The following TRMO variants were observed in gnomAD, a reference collection of about 807,000 sequenced individuals.
TRMO encodes tRNA (adenine(37)-N6)-methyltransferase.
TRMO carries 30 observed loss-of-function variants against 37.2 expected under a neutral mutation model. That is an observed-to-expected ratio of 0.81 (90% CI 0.60 to 1.09). The LOEUF (loss-of-function observed/expected upper bound fraction) is 1.09. Among genes scored for constraint, TRMO ranks in the 50% least tolerant of loss-of-function variants. The probability of loss-of-function intolerance (pLI) is 0.00; values close to 1 mark genes in which losing one functional copy is unlikely to be tolerated. For synonymous variants in TRMO, 239 were observed against 199.4 expected, an observed-to-expected ratio of 1.20 and a Z score of -1.67; for missense variants, 552 against 549.5, an observed-to-expected ratio of 1.00 and a Z score of -0.05.
At chr9:97,913,629 A>G in intron 2 of TRMO, 71 bp from the exon 3 acceptor site, 1 of 1,048,268 alleles carries the variant, frequency 9.5e-7, no homozygotes, top group Non-Finnish European at 1.4e-6. Context: ...CAATGATCTG[A>G]TGGGGAAAAA....
At chr9:97,912,336 T>C (rs1156263641) in intron 3 of TRMO, 2 of 152,616 alleles carry the variant, frequency 1.3e-5, no homozygotes, top group African/African-American at 4.8e-5. Flanking sequence ...TTCATCTGAT[T>C]TGTTTATCAC....
At chr9:97,919,916 T>A (rs1826547549) in intron 1 of TRMO, among the ~76,000 whole-genome samples, 1 of 152,220 alleles carries the variant, frequency 6.6e-6, no homozygotes, top group Non-Finnish European at 1.5e-5. Context: ...TCTGCTACTC[T>A]AAAATGTTTG....
intron 4 of TRMO, 49 bp downstream of exon 4, chr9:97,909,911 C>T (rs1034379130): frequency 1.4e-6 from 2 of 1,413,970 alleles, no homozygotes; most frequent in Admixed American, 4.6e-5. Flanking sequence ...TTGGCTAAAT[C>T]TCAAAGTAAA....
At chr9:97,905,022 C>A in intron 4 of TRMO, 30 bp from the exon 5 acceptor site, 1 of 1,601,760 alleles carries the variant, frequency 6.2e-7, no homozygotes. Flanking sequence ...ACTTAATGAG[C>A]ACTATCATGC....
chr9:97,912,969 C>T (rs1049777298), intron 3 of TRMO: 1 of 1,298,018 alleles, frequency 7.7e-7, no homozygotes, highest in Non-Finnish European at 1.0e-6. Flanking sequence ...TGTCCATTTC[C>T]CCAAGGCTGC....
Position 97,910,371 on chromosome 9 carries a change from G to A in TRMO, c.655C>T (p.Pro219Ser), listed in dbSNP as rs1247908026. 6.2e-7 allele frequency: 1 copy of A among 1,614,178 alleles called. No homozygotes were observed. ...PQPHHSTKRK[P>S]KCPEDRTSEE... ...GAAGTTCTGTCTTCAGGACATTTAG[G>A]TTTCCTCTTAGTGCTATGGTGGGGT... is the stretch of plus-strand genomic sequence containing the variant. The change falls in exon 4 of 5, where the codon CCT becomes TCT. Residue 219 changes from proline (P) to serine (S), a missense_variant. Coordinates refer to ENST00000375119, the MANE Select transcript of TRMO (RefSeq NM_016481.5).
At chr9:97,900,068 AAAC>A (rs1831134512), downstream of TRMO, among the ~76,000 whole-genome samples, 1 of 152,182 alleles carries the variant, frequency 6.6e-6, no homozygotes, top group Non-Finnish European at 1.5e-5. Flanking sequence ...AAACAAAACA[AAAC>A]AACAAAAACA....
At position 97,908,278 on chromosome 9, in the gene TRMO, G is replaced by A. The variant is rs1025019058; in HGVS notation, c.1066+1682C>T. ...ATACAAAAAATTAGCTGGGTGTGGTGGCGGGCGCCTGTAGTCCCAGCTACT... is the reference window on the plus strand; with the variant it reads ...ATACAAAAAATTAGCTGGGTGTGGTAGCGGGCGCCTGTAGTCCCAGCTACT... On this transcript the variant is annotated intron_variant, in intron 4 of 4. Transcript: ENST00000375119. Among the ~76,000 whole-genome samples, 18 of 152,286 alleles carry A rather than the reference G, an allele frequency of 1.2e-4. 1 individual carries two copies. The highest frequency in any genetic ancestry group is 8.3e-4 in the South Asian group (4 of 4,818).
chr9:97,922,332 T>G (rs1826692636), intron 1 of TRMO, 86 bp downstream of exon 1: 1 of 883,142 alleles, frequency 1.1e-6, no homozygotes, highest in Non-Finnish European at 1.8e-6. Context: ...TTCCAGATCG[T>G]GCGTTTTACA....
intron 4 of TRMO, among the ~76,000 whole-genome samples, chr9:97,906,128 A>T (rs1022619948): frequency 6.6e-6 from 1 of 151,056 alleles, no homozygotes; most frequent in African/African-American, 2.4e-5. Context: ...ACTGCACTCC[A>T]GCCTGGGTGA....
At chr9:97,904,044 T>C (rs1396646005), downstream of TRMO, among the ~76,000 whole-genome samples, 1 of 152,216 alleles carries the variant, frequency 6.6e-6, no homozygotes, top group African/African-American at 2.4e-5. Flanking sequence ...ATCACGCCAC[T>C]GCACTCCAGC....
chr9:97,922,339 T>C (rs2131545960), intron 1 of TRMO, 79 bp downstream of exon 1: 2 of 973,862 alleles, frequency 2.1e-6, no homozygotes, highest in Non-Finnish European at 3.2e-6. Context: ...TCGTGCGTTT[T>C]ACACCCCTCT....
At position 97,911,313 on chromosome 9, in the gene TRMO, C is replaced by T. The variant is rs183192262; in HGVS notation, c.410-697G>A. On this transcript the variant is annotated intron_variant, in intron 3 of 4. Transcript: ENST00000375119. ...TTGAAGGCTTGCTGAAGTAGGCAGG[C>T]GTGCTAGGAAGCCCACATAGCAAGG... The T allele has an allele frequency of 2.7e-4, 42 of 157,924 alleles. 1 individual carries two copies. The highest frequency in any genetic ancestry group is 5.0e-4 in the Non-Finnish European group (36 of 71,314). The allele number at this position is 157,924 out of a possible 1,614,324, so 9.8% of individuals were successfully genotyped here.
downstream of TRMO, among the ~76,000 whole-genome samples, chr9:97,900,318 G>C (rs936635605): frequency 2.6e-5 from 4 of 152,356 alleles, no homozygotes; most frequent in South Asian, 2.1e-4. Flanking sequence ...TGACTTGCCT[G>C]AGGTCACGAG....
intron 1 of TRMO, among the ~76,000 whole-genome samples, chr9:97,918,556 A>C (rs1826477117): frequency 6.6e-6 from 1 of 152,160 alleles, no homozygotes; most frequent in African/African-American, 2.4e-5. Flanking sequence ...AATTTCTGAG[A>C]GATGATATAA....
downstream of TRMO, chr9:97,904,487 C>T (rs904393379): frequency 3.0e-5 from 39 of 1,291,894 alleles, no homozygotes; most frequent in Non-Finnish European, 3.6e-5. Flanking sequence ...ATCGAGACAG[C>T]ATCACCTTTT....
intron 2 of TRMO, 103 bp downstream of exon 2, chr9:97,916,061 G>C: frequency 1.3e-6 from 1 of 746,336 alleles, no homozygotes; most frequent in Non-Finnish European, 2.2e-6. Flanking sequence ...ACAAAGATGA[G>C]GGTGGTCTGG....
At chr9:97,921,066 C>A (rs889036462) in intron 1 of TRMO, among the ~76,000 whole-genome samples, 1 of 152,206 alleles carries the variant, frequency 6.6e-6, no homozygotes, top group African/African-American at 2.4e-5. Flanking sequence ...GACCTGTAAT[C>A]GGCAGTGTGC....
chr9:97,917,043 A>C (rs1375440426), intron 1 of TRMO, among the ~76,000 whole-genome samples: 1 of 151,866 alleles, frequency 6.6e-6, no homozygotes, highest in Non-Finnish European at 1.5e-5. Context: ...CACCCACCTC[A>C]ACCTCCCAAA....
Sources: allele counts gnomAD v4.1 joint callset (sites outside exome capture counted in the v4.1 genomes callset), GRCh38; gene constraint gnomAD v4.1.1; transcripts MANE v1.5; gene names NCBI Gene and HGNC (gene_info 2026-07-23, HGNC 2026-07-21).